The following SCHIP1 variants were observed in gnomAD, a reference collection of about 807,000 sequenced individuals.
SCHIP1 encodes the protein schwannomin interacting protein 1.
A neutral mutation model predicts 29.7 loss-of-function variants in SCHIP1; 8 were observed. The observed-to-expected ratio is 0.27, with a 90% CI of 0.16 to 0.49. SCHIP1 has a LOEUF of 0.49. Ranked by LOEUF, SCHIP1 falls within the 20% of genes least tolerant of loss-of-function variation. The pLI is 0.99. For synonymous variants in SCHIP1, 76 were observed against 94.9 expected, an observed-to-expected ratio of 0.80 and a Z score of 1.16; for missense variants, 193 against 294.6, an observed-to-expected ratio of 0.66 and a Z score of 2.52.
At chr3:159,736,066 T>A in the SCHIP1 span, among the ~76,000 whole-genome samples, 1,501 of 152,080 alleles carry the variant, frequency 9.9e-3, 33 homozygotes, top group African/African-American at 0.034. Context: ...TAACAAAGTC[T>A]TGTACCTTAA....
At chr3:159,719,410 C>G in the SCHIP1 span, among the ~76,000 whole-genome samples, 7 of 152,076 alleles carry the variant, frequency 4.6e-5, no homozygotes, top group African/African-American at 1.2e-4. Flanking sequence ...AAGAGCTTCT[C>G]CACAGCAAAA....
chr3:159,444,299 T>C, the SCHIP1 span, among the ~76,000 whole-genome samples: 1 of 151,900 alleles, frequency 6.6e-6, no homozygotes, highest in Non-Finnish European at 1.5e-5. Flanking sequence ...TGGGGCTACA[T>C]CTCCAGTACT....
chr3:159,640,872 T>C, the SCHIP1 span, among the ~76,000 whole-genome samples: 1 of 152,186 alleles, frequency 6.6e-6, no homozygotes, highest in Non-Finnish European at 1.5e-5. Flanking sequence ...CATATAAGGT[T>C]AATCAGCTCT....
chr3:159,627,697 T>A, the SCHIP1 span, among the ~76,000 whole-genome samples: 7 of 152,190 alleles, frequency 4.6e-5, no homozygotes, highest in East Asian at 1.3e-3. Flanking sequence ...AATATTCATC[T>A]GAAGAACAAC....
At chr3:159,320,400 C>T in the SCHIP1 span, among the ~76,000 whole-genome samples, 1 of 152,234 alleles carries the variant, frequency 6.6e-6, no homozygotes. Flanking sequence ...CTCAGACTTC[C>T]AGCCTCCAGA....
intron 2 of SCHIP1, among the ~76,000 whole-genome samples, chr3:159,866,802 T>A (rs1284305732): frequency 6.6e-6 from 1 of 152,226 alleles, no homozygotes. Context: ...ATATCATTAC[T>A]CTTTATCATA....
At chr3:159,836,972 T>G (rs962513994), upstream of SCHIP1, among the ~76,000 whole-genome samples, 3 of 152,226 alleles carry the variant, frequency 2.0e-5, no homozygotes, top group Admixed American at 6.5e-5. Flanking sequence ...TTTTTTCATC[T>G]TGTTTATACC....
At chr3:159,739,852 A>C in the SCHIP1 span, among the ~76,000 whole-genome samples, 4 of 152,272 alleles carry the variant, frequency 2.6e-5, no homozygotes, top group African/African-American at 9.6e-5. Flanking sequence ...GTGCCTAATT[A>C]CATGAACAAC....
chr3:159,826,177 G>T, the SCHIP1 span, among the ~76,000 whole-genome samples: 3 of 152,184 alleles, frequency 2.0e-5, no homozygotes, highest in African/African-American at 4.8e-5. Flanking sequence ...AAAGGGTAAG[G>T]TTTAATGGAG....
the SCHIP1 span, among the ~76,000 whole-genome samples, chr3:159,649,926 TG>T: frequency 2.6e-5 from 4 of 152,232 alleles, no homozygotes; most frequent in African/African-American, 9.6e-5. Flanking sequence ...TTCTGGTTGC[TG>T]CCATATTTCC....
chr3:159,809,003 A>G, the SCHIP1 span, among the ~76,000 whole-genome samples: 2 of 130,450 alleles, frequency 1.5e-5, no homozygotes, highest in South Asian at 2.4e-4. Context: ...TTTTTTTATT[A>G]TACTTTAAGT....
the SCHIP1 span, among the ~76,000 whole-genome samples, chr3:159,751,686 A>G: frequency 6.6e-6 from 1 of 151,962 alleles, no homozygotes; most frequent in East Asian, 1.9e-4. Flanking sequence ...CTGGGACGAC[A>G]GGTGCCCGCC....
the SCHIP1 span, among the ~76,000 whole-genome samples, chr3:159,450,826 T>G: frequency 2.4e-5 from 3 of 124,554 alleles, no homozygotes; most frequent in Admixed American, 2.3e-4. Flanking sequence ...TTTTTTTTTT[T>G]GAGACAGAGT....
At chr3:159,410,378 T>A in the SCHIP1 span, among the ~76,000 whole-genome samples, 3 of 151,978 alleles carry the variant, frequency 2.0e-5, no homozygotes, top group Non-Finnish European at 4.4e-5. Flanking sequence ...AAACTACCAA[T>A]CTGACAAGGG....
chr3:159,596,837 T>C, the SCHIP1 span, among the ~76,000 whole-genome samples: 1 of 152,060 alleles, frequency 6.6e-6, no homozygotes, highest in Non-Finnish European at 1.5e-5. Context: ...TTAGGAGATA[T>C]ACCTAATGTA....
chr3:159,513,790 G>A, the SCHIP1 span, among the ~76,000 whole-genome samples: 1 of 152,218 alleles, frequency 6.6e-6, no homozygotes, highest in Non-Finnish European at 1.5e-5. Flanking sequence ...GCCCAATCAA[G>A]CGACTGCAGA....
chr3:159,891,102 T>C (rs1717483695), intron 5 of SCHIP1, among the ~76,000 whole-genome samples: 1 of 152,204 alleles, frequency 6.6e-6, no homozygotes. Flanking sequence ...CCAGGTGCAG[T>C]GGCTCACACC....
the SCHIP1 span, among the ~76,000 whole-genome samples, chr3:159,616,724 T>C: frequency 6.6e-6 from 1 of 152,220 alleles, no homozygotes; most frequent in South Asian, 2.1e-4. Context: ...CAACACAGGC[T>C]TGTTTCTCAT....
chr3:159,514,358 T>C, the SCHIP1 span, among the ~76,000 whole-genome samples: 1 of 152,228 alleles, frequency 6.6e-6, no homozygotes, highest in Non-Finnish European at 1.5e-5. Flanking sequence ...CTGGTTCAAA[T>C]AAATTCCTGA....
Sources: allele counts gnomAD v4.1 joint callset (sites outside exome capture counted in the v4.1 genomes callset), GRCh38; gene constraint gnomAD v4.1.1; transcripts MANE v1.5; gene names NCBI Gene and HGNC (gene_info 2026-07-23, HGNC 2026-07-21).